CNOT2: variants seen among roughly 807,000 people sequenced by gnomAD.
CNOT2 encodes CCR4-NOT transcription complex subunit 2, also known as CC chemokine receptor 4-negative regulator of transcription 2.
A neutral mutation model predicts 72.1 loss-of-function variants in CNOT2; 7 were observed. The observed-to-expected ratio is 0.10, with a 90% CI of 0.06 to 0.18. The LOEUF (loss-of-function observed/expected upper bound fraction) is 0.18. Ranked by LOEUF, CNOT2 falls within the 10% of genes least tolerant of loss-of-function variation. The pLI, the probability that CNOT2 is intolerant of heterozygous loss-of-function variation, is 1.00. For synonymous variants in CNOT2, 196 were observed against 225.6 expected, an observed-to-expected ratio of 0.87 and a Z score of 1.17; for missense variants, 345 against 660.3, an observed-to-expected ratio of 0.52 and a Z score of 5.23.
intron 1 of CNOT2, among the ~76,000 whole-genome samples, chr12:70,254,195 G>A (rs1018601002): frequency 4.7e-5 from 7 of 148,792 alleles, no homozygotes; most frequent in Admixed American, 6.7e-5. Flanking sequence ...CCGAGATCAC[G>A]CCACTGCACT....
intron 3 of CNOT2, among the ~76,000 whole-genome samples, chr12:70,311,363 T>C (rs1593202058): frequency 6.6e-6 from 1 of 151,976 alleles, no homozygotes; most frequent in Non-Finnish European, 1.5e-5. Flanking sequence ...AATGCAGATA[T>C]AGAACAGAAA....
At chr12:70,310,814 T>C in intron 2 of CNOT2, 81 bp from the exon 3 acceptor site, 1 of 1,224,236 alleles carries the variant, frequency 8.2e-7, no homozygotes, top group Non-Finnish European at 1.2e-6. Context: ...TCCCTTCATG[T>C]TCTGTTTTCC....
At chr12:70,344,918 G>GC (rs1445416148) in intron 14 of CNOT2, 2 of 152,126 alleles carry the variant, frequency 1.3e-5, no homozygotes, top group East Asian at 3.8e-4. Context: ...TTACTTATAA[G>GC]CAAGGCAGTG....
intron 1 of CNOT2, among the ~76,000 whole-genome samples, chr12:70,274,667 T>C (rs1868458567): frequency 6.6e-6 from 1 of 152,078 alleles, no homozygotes; most frequent in Non-Finnish European, 1.5e-5. Context: ...TTCATCTAAG[T>C]CATTTTATTT....
chr12:70,324,985 C>T (rs1878862637), intron 4 of CNOT2, among the ~76,000 whole-genome samples: 1 of 151,828 alleles, frequency 6.6e-6, no homozygotes, highest in Non-Finnish European at 1.5e-5. Flanking sequence ...CACTCTATTC[C>T]CAAGTCTGAG....
intron 15 of CNOT2, among the ~76,000 whole-genome samples, chr12:70,348,316 C>T (rs1365328544): frequency 6.6e-6 from 1 of 152,150 alleles, no homozygotes; most frequent in East Asian, 1.9e-4. Flanking sequence ...CTTGTTAAAA[C>T]ACAAATTTCT....
intron 3 of CNOT2, among the ~76,000 whole-genome samples, chr12:70,311,504 G>T (rs955627436): frequency 2.0e-5 from 3 of 151,864 alleles, no homozygotes; most frequent in African/African-American, 7.2e-5. Context: ...ACTATAATAG[G>T]AAAAATTTGG....
At chr12:70,289,244 G>A (rs1871443891) in intron 2 of CNOT2, among the ~76,000 whole-genome samples, 1 of 151,744 alleles carries the variant, frequency 6.6e-6, no homozygotes, top group Non-Finnish European at 1.5e-5. Flanking sequence ...CAAAATTGAC[G>A]GGTTTTTTGC....
At chr12:70,250,020 C>T (rs1205553736) in intron 1 of CNOT2, among the ~76,000 whole-genome samples, 3 of 152,024 alleles carry the variant, frequency 2.0e-5, no homozygotes, top group African/African-American at 7.2e-5. Flanking sequence ...TTATGTCAGG[C>T]CAAACTATTT....
At chr12:70,255,403 G>T (rs12313127) in intron 1 of CNOT2, among the ~76,000 whole-genome samples, 122 of 152,240 alleles carry the variant, frequency 8.0e-4, no homozygotes, top group African/African-American at 2.7e-3. Flanking sequence ...ATATGTGTAT[G>T]AATAACTTAC....
At chr12:70,289,314 T>C (rs530297786) in intron 2 of CNOT2, among the ~76,000 whole-genome samples, 33 of 152,248 alleles carry the variant, frequency 2.2e-4, no homozygotes, top group Admixed American at 7.2e-4. Context: ...AAGTCTGCTG[T>C]CATTCTTATG....
chr12:70,339,719 C>T (rs1209130396), intron 11 of CNOT2, among the ~76,000 whole-genome samples: 3 of 152,152 alleles, frequency 2.0e-5, no homozygotes, highest in East Asian at 3.9e-4. Context: ...ATGCAACTAT[C>T]GTACACTTCT....
intron 7 of CNOT2, 179 bp from the exon 8 acceptor site, chr12:70,335,259 A>G (rs1880520447): frequency 6.3e-6 from 3 of 473,374 alleles, no homozygotes; most frequent in Non-Finnish European, 1.1e-5. Flanking sequence ...TGTTCATGGA[A>G]TTCTTTGACA....
In CNOT2 at chr12:70,330,477, G is replaced by A. The variant is rs200805639; in HGVS notation, c.569+8G>A. ...GCCTTTTACTGTGAACAGGTAAGATGTTTATTGATACTGTGTATAATTGTC... is the reference window on the plus strand; with the variant it reads ...GCCTTTTACTGTGAACAGGTAAGATATTTATTGATACTGTGTATAATTGTC... On this transcript the variant is annotated splice_region_variant and intron_variant, in intron 6 of 15. Transcript: ENST00000229195. The A allele has an allele frequency of 4.7e-5, 75 of 1,597,184 alleles. No homozygotes were observed. The East Asian group carries it at 1.6e-3, about 34-fold the overall frequency.
At position 70,348,896 on chromosome 12, in the gene CNOT2, C is replaced by T. The variant is rs142255272; in HGVS notation, c.1536+2572C>T. ...CATAATTTAGCTCAGTTTTATCTAT[C>T]GTGTACAGTTGAGCTTTTGTCTTTA... On this transcript the variant is annotated intron_variant, in intron 15 of 15. Coordinates refer to ENST00000229195, the MANE Select transcript of CNOT2 (RefSeq NM_014515.7). Among the ~76,000 whole-genome samples the T allele has an allele frequency of 2.6e-3, 390 of 151,628 alleles. 1 individual carries two copies. Among genetic ancestry groups the T allele is most frequent in the African/African-American group, 8.9e-3 (369 of 41,400 alleles).
At chr12:70,330,748 CTCTT>C (rs1422179260) in intron 6 of CNOT2, 1 of 297,654 alleles carries the variant, frequency 3.4e-6, no homozygotes, top group East Asian at 6.5e-5. Flanking sequence ...GATATGTCCT[CTCTT>C]TATAAAATAA....
At chr12:70,309,852 T>G (rs1426729806) in intron 2 of CNOT2, among the ~76,000 whole-genome samples, 2 of 152,194 alleles carry the variant, frequency 1.3e-5, no homozygotes, top group Admixed American at 6.5e-5. Context: ...TTAAAAATAA[T>G]TAAAAATTAA....
chr12:70,340,509 A>G (rs563479991), intron 11 of CNOT2, among the ~76,000 whole-genome samples: 1 of 152,250 alleles, frequency 6.6e-6, no homozygotes, highest in East Asian at 1.9e-4. Context: ...TTGCCAATTA[A>G]ATATTTCTTG....
chr12:70,308,522 C>G (rs1875838298), intron 2 of CNOT2, among the ~76,000 whole-genome samples: 1 of 151,276 alleles, frequency 6.6e-6, no homozygotes, highest in South Asian at 2.1e-4. Flanking sequence ...CCAGAGCACA[C>G]AAAACAGAAA....
Sources: allele counts gnomAD v4.1 joint callset (sites outside exome capture counted in the v4.1 genomes callset), GRCh38; gene constraint gnomAD v4.1.1; transcripts MANE v1.5; gene names NCBI Gene and HGNC (gene_info 2026-07-23, HGNC 2026-07-21).